The following ARHGAP15 variants were observed in gnomAD, a reference collection of about 807,000 sequenced individuals.
ARHGAP15 encodes the protein rho GTPase-activating protein 15.
In ARHGAP15, 51 loss-of-function variants were observed where a neutral mutation model predicts 63.7. The observed-to-expected ratio is 0.80, with a 90% confidence interval of 0.64 to 1.01. The LOEUF (loss-of-function observed/expected upper bound fraction) is 1.01. ARHGAP15 is among the 50% of genes least tolerant of loss of function. The pLI is 0.00. For missense variants in ARHGAP15, 560 were observed against 564.6 expected (o/e 0.99, Z 0.08); for synonymous variants, 191 against 193.8 (o/e 0.99, Z 0.12).
intron 3 of ARHGAP15, among the ~76,000 whole-genome samples, chr2:143,210,312 C>G (rs535099750): frequency 1.3e-5 from 2 of 151,420 alleles, no homozygotes; most frequent in African/African-American, 4.8e-5. Flanking sequence ...GTTTCCCAAA[C>G]AGAACCTGGA....
At chr2:143,296,853 T>C (rs1401715594) in intron 6 of ARHGAP15, among the ~76,000 whole-genome samples, 1 of 151,906 alleles carries the variant, frequency 6.6e-6, no homozygotes, top group Non-Finnish European at 1.5e-5. Flanking sequence ...GTGTCTGCTG[T>C]TTCCTTCTTT....
chr2:143,380,735 G>C (rs1466264677), intron 6 of ARHGAP15, among the ~76,000 whole-genome samples: 1 of 152,058 alleles, frequency 6.6e-6, no homozygotes. Flanking sequence ...TTCCATCTCT[G>C]AACCCTAGGA....
At chr2:143,689,297 T>G (rs1219830966) in intron 12 of ARHGAP15, among the ~76,000 whole-genome samples, 2 of 152,186 alleles carry the variant, frequency 1.3e-5, no homozygotes, top group East Asian at 3.9e-4. Flanking sequence ...TCTAGTGATC[T>G]TTTCATCTTC....
chr2:143,605,612 A>G (rs984924844), intron 11 of ARHGAP15, among the ~76,000 whole-genome samples: 3 of 152,066 alleles, frequency 2.0e-5, no homozygotes, highest in Non-Finnish European at 2.9e-5. Context: ...ATGCCAAGGT[A>G]TGCTGCCTCA....
intron 8 of ARHGAP15, among the ~76,000 whole-genome samples, chr2:143,462,354 G>A (rs1035081791): frequency 4.0e-5 from 6 of 151,838 alleles, no homozygotes; most frequent in East Asian, 3.9e-4. Context: ...TTAAACTATT[G>A]GGGAAAAAAA....
At chr2:143,172,041 A>G (rs1690801988) in intron 2 of ARHGAP15, 1 of 151,992 alleles carries the variant, frequency 6.6e-6, no homozygotes, top group African/African-American at 2.4e-5. Flanking sequence ...TTTCAGCTAC[A>G]TTCCAGGCAG....
At chr2:143,161,416 A>G (rs1297966588) in intron 2 of ARHGAP15, among the ~76,000 whole-genome samples, 2 of 151,968 alleles carry the variant, frequency 1.3e-5, no homozygotes, top group African/African-American at 2.4e-5. Context: ...GTTTGTTGAC[A>G]GTATACTCTT....
chr2:143,326,756 G>A (rs1684270504), intron 6 of ARHGAP15, among the ~76,000 whole-genome samples: 1 of 151,882 alleles, frequency 6.6e-6, no homozygotes, highest in Non-Finnish European at 1.5e-5. Context: ...GGTATTGATG[G>A]GTCTTATCTC....
At chr2:143,207,488 A>T (rs890392669) in intron 3 of ARHGAP15, among the ~76,000 whole-genome samples, 1 of 131,840 alleles carries the variant, frequency 7.6e-6, no homozygotes, top group Admixed American at 7.6e-5. Flanking sequence ...ACACACACAC[A>T]CACATAAACA....
chr2:143,743,633 C>T (rs1284605159), intron 13 of ARHGAP15, among the ~76,000 whole-genome samples: 1 of 152,144 alleles, frequency 6.6e-6, no homozygotes, highest in African/African-American at 2.4e-5. Context: ...GTCTGTCTTC[C>T]CTTGCTCCTC....
At chr2:143,467,242 CTTT>C (rs202115707) in intron 8 of ARHGAP15, among the ~76,000 whole-genome samples, 36 of 57,916 alleles carry the variant, frequency 6.2e-4, no homozygotes, top group African/African-American at 9.0e-4. Flanking sequence ...ACTCCATGGC[CTTT>C]TTTTTTTTTT....
chr2:143,686,057 A>T (rs759739249), intron 12 of ARHGAP15, among the ~76,000 whole-genome samples: 2 of 152,152 alleles, frequency 1.3e-5, no homozygotes, highest in Non-Finnish European at 2.9e-5. Flanking sequence ...CCATTGCTTG[A>T]TTGTATGAGA....
chr2:143,298,904 T>C (rs563995471), intron 6 of ARHGAP15, among the ~76,000 whole-genome samples: 1 of 151,974 alleles, frequency 6.6e-6, no homozygotes, highest in Non-Finnish European at 1.5e-5. Context: ...TTTACAGATA[T>C]CATAATTGTG....
At chr2:143,631,634 C>A (rs765031908) in intron 12 of ARHGAP15, among the ~76,000 whole-genome samples, 7 of 151,958 alleles carry the variant, frequency 4.6e-5, no homozygotes, top group Non-Finnish European at 7.4e-5. Flanking sequence ...AAGAAACCTA[C>A]TTTTTCAAAA....
At chr2:143,142,878 A>G (rs967341016) in intron 1 of ARHGAP15, among the ~76,000 whole-genome samples, 2 of 152,156 alleles carry the variant, frequency 1.3e-5, no homozygotes, top group Non-Finnish European at 2.9e-5. Flanking sequence ...AAAGGATATA[A>G]GTAAATAAAA....
chr2:143,263,472 G>C (rs1430643987), intron 6 of ARHGAP15, among the ~76,000 whole-genome samples: 1 of 152,148 alleles, frequency 6.6e-6, no homozygotes. Context: ...TCAGTGGTAG[G>C]TAGCCTTGGG....
At chr2:143,405,396 G>A (rs1241985231) in intron 6 of ARHGAP15, among the ~76,000 whole-genome samples, 4 of 150,550 alleles carry the variant, frequency 2.7e-5, no homozygotes, top group Non-Finnish European at 4.4e-5. Context: ...TTATTCTTAC[G>A]GTTATCCTTG....
At chr2:143,591,203 C>T (rs969853753) in intron 11 of ARHGAP15, among the ~76,000 whole-genome samples, 2 of 152,056 alleles carry the variant, frequency 1.3e-5, no homozygotes, top group African/African-American at 4.8e-5. Context: ...ATTATTTTTC[C>T]TACTAATCCT....
chr2:143,337,793 A>G (rs1046824280), intron 6 of ARHGAP15, among the ~76,000 whole-genome samples: 4 of 152,236 alleles, frequency 2.6e-5, no homozygotes, highest in Non-Finnish European at 5.9e-5. Context: ...CTACCAAAAC[A>G]CTGGAAGGTA....
Sources: gnomAD v4.1 joint callset for allele counts (sites outside exome capture counted in the v4.1 genomes callset) on GRCh38, gnomAD v4.1.1 for gene constraint, MANE v1.5 for transcripts, NCBI Gene and HGNC (gene_info 2026-07-23, HGNC 2026-07-21) for gene names.